The following PSTPIP2 variants were observed in gnomAD, a reference collection of about 807,000 sequenced individuals.
The protein encoded by PSTPIP2 is proline-serine-threonine phosphatase interacting protein 2, also known as proline-serine-threonine phosphatase-interacting protein 2.
PSTPIP2 carries 33 observed loss-of-function variants against 63.3 expected under a neutral mutation model. That is an observed-to-expected ratio of 0.52 (90% CI 0.40 to 0.70). The LOEUF is 0.70. Ranked by LOEUF, PSTPIP2 falls within the 30% of genes least tolerant of loss-of-function variation. PSTPIP2 has a pLI of 0.00. For missense variants in PSTPIP2, 312 were observed against 400.7 expected, an observed-to-expected ratio of 0.78 and a Z score of 1.89; for synonymous variants, 125 against 132.7, an observed-to-expected ratio of 0.94 and a Z score of 0.40.
In PSTPIP2 at chr18:45,984,019, G is replaced by T. The variant is rs2051443798; in HGVS notation, c.*1440C>A. On this transcript the variant is annotated 3_prime_UTR_variant, in exon 15 of 15. Transcript: ENST00000409746. Reference sequence around the variant, plus strand: ...AAAAATTAGCCAGGTGTGGTGGTGGGTGCCTGTAATCCCAGCTACTCAGGA... The same window carrying T: ...AAAAATTAGCCAGGTGTGGTGGTGGTTGCCTGTAATCCCAGCTACTCAGGA... The T allele has an allele frequency of 6.6e-6, 1 of 152,148 alleles. No individual in the cohort carries two copies. The highest frequency in any genetic ancestry group is 1.5e-5 in the Non-Finnish European group (1 of 68,080). 9.4% of individuals were successfully genotyped at this position (152,148 alleles called of 1,614,324 possible). A position where few individuals can be genotyped will look rare whatever the true frequency, so the allele number is the denominator to read the frequency against.
At chr18:46,033,837 A>C (rs1282650578) in intron 2 of PSTPIP2, among the ~76,000 whole-genome samples, 1 of 152,158 alleles carries the variant, frequency 6.6e-6, no homozygotes, top group Admixed American at 6.5e-5. Flanking sequence ...AAGAGAAAGG[A>C]ATGGGACACC....
At chr18:46,002,488 A>G (rs537529975) in intron 6 of PSTPIP2, among the ~76,000 whole-genome samples, 2 of 152,220 alleles carry the variant, frequency 1.3e-5, no homozygotes, top group East Asian at 1.9e-4. Flanking sequence ...CAGTTAACCA[A>G]TTCTTTCTTC....
At chr18:46,009,558 A>G (rs1205859719) in intron 5 of PSTPIP2, among the ~76,000 whole-genome samples, 1 of 152,200 alleles carries the variant, frequency 6.6e-6, no homozygotes, top group East Asian at 1.9e-4. Context: ...GACTGAGCAC[A>G]GGTGACTTAC....
At chr18:46,037,213 C>T (rs1908013445) in intron 2 of PSTPIP2, among the ~76,000 whole-genome samples, 1 of 152,040 alleles carries the variant, frequency 6.6e-6, no homozygotes. Context: ...AGTGCAATGG[C>T]GAGATCTCAG....
At chr18:46,044,030 G>C (rs1908288551) in intron 1 of PSTPIP2, among the ~76,000 whole-genome samples, 2 of 152,190 alleles carry the variant, frequency 1.3e-5, no homozygotes, top group African/African-American at 4.8e-5. Context: ...TTTGTGGATT[G>C]AAGGAGTGAA....
At chr18:46,056,366 C>T (rs1405452928) in intron 1 of PSTPIP2, among the ~76,000 whole-genome samples, 1 of 152,192 alleles carries the variant, frequency 6.6e-6, no homozygotes, top group Admixed American at 6.5e-5. Context: ...TCCAGGGCCC[C>T]TACTAGGATG....
At chr18:46,006,916 T>C (rs1319695701) in intron 5 of PSTPIP2, among the ~76,000 whole-genome samples, 1 of 152,208 alleles carries the variant, frequency 6.6e-6, no homozygotes. Flanking sequence ...CTGAAGTTGA[T>C]TAACATACCA....
At position 45,999,396 on chromosome 18, in the gene PSTPIP2, T is replaced by A. The variant is rs763671675; in HGVS notation, c.516+40A>T. On this transcript the variant is annotated intron_variant, in intron 7 of 14. Coordinates refer to ENST00000409746, the MANE Select transcript of PSTPIP2 (RefSeq NM_024430.4). ...ATAATTGGCTTTAGCCTGACATAGG[T>A]CAGTCTCAGATTTTTCGGGTTGTTA... is the stretch of plus-strand genomic sequence containing the variant. 7.6e-6 allele frequency: 12 copies of A among 1,580,372 alleles called. No individual in the cohort carries two copies. In the African/African-American group the frequency reaches 1.2e-4, roughly 16 times the overall value.
At position 46,042,796 on chromosome 18, in the gene PSTPIP2, G is replaced by T. The variant is rs28576132; in HGVS notation, c.34-2749C>A. Reference sequence around the variant, plus strand: ...GTGCATCGTGCAGCCCTTTTTCTTGGCCCTCCTATTCTTATTTTTGTCAGT... The same window carrying T: ...GTGCATCGTGCAGCCCTTTTTCTTGTCCCTCCTATTCTTATTTTTGTCAGT... On this transcript the variant is annotated intron_variant, in intron 1 of 14. Coordinates refer to ENST00000409746, the MANE Select transcript of PSTPIP2 (RefSeq NM_024430.4). 8.8e-3 allele frequency among the ~76,000 whole-genome samples: 1,339 copies of T among 152,074 alleles called. 17 individuals are homozygous for T. Among genetic ancestry groups the T allele is most frequent in the African/African-American group, 0.03 (1,258 of 41,462 alleles).
chr18:46,055,122 C>A (rs568238473), intron 1 of PSTPIP2, among the ~76,000 whole-genome samples: 1 of 152,120 alleles, frequency 6.6e-6, no homozygotes, highest in Non-Finnish European at 1.5e-5. Context: ...CCTTTCCAGC[C>A]TCACTGTTAT....
At chr18:46,028,204 C>T in intron 2 of PSTPIP2, 2 of 357,524 alleles carry the variant, frequency 5.6e-6, no homozygotes, top group Non-Finnish European at 1.1e-5. Context: ...TTCACGCGAG[C>T]GCCTGCGTTT....
intron 1 of PSTPIP2, among the ~76,000 whole-genome samples, chr18:46,045,362 G>A (rs1365675944): frequency 6.6e-6 from 1 of 152,158 alleles, no homozygotes; most frequent in East Asian, 1.9e-4. Context: ...TTCTTTGTAG[G>A]AACATGGATG....
intron 5 of PSTPIP2, among the ~76,000 whole-genome samples, chr18:46,008,274 C>T (rs910448915): frequency 1.3e-5 from 2 of 151,898 alleles, no homozygotes; most frequent in South Asian, 2.1e-4. Context: ...CTTCATGGCC[C>T]GTTTTTCTCT....
intron 14 of PSTPIP2, 63 bp from the exon 15 acceptor site, chr18:45,985,513 C>T (rs1318604268): frequency 6.6e-7 from 1 of 1,523,304 alleles, no homozygotes; most frequent in African/African-American, 1.4e-5. Flanking sequence ...CTCTCTCCTA[C>T]CTTGAGAGTA....
intron 5 of PSTPIP2, among the ~76,000 whole-genome samples, chr18:46,008,066 GT>G (rs2051749872): frequency 6.6e-6 from 1 of 152,224 alleles, no homozygotes. Flanking sequence ...CCTCAGGGCA[GT>G]GTCTCTTCTG....
At chr18:46,000,831 CT>C (rs2051656738) in intron 6 of PSTPIP2, among the ~76,000 whole-genome samples, 1 of 152,098 alleles carries the variant, frequency 6.6e-6, no homozygotes, top group Non-Finnish European at 1.5e-5. Flanking sequence ...AAAGCAAAGA[CT>C]TTTTTAAACA....
chr18:45,993,859 A>T, intron 9 of PSTPIP2, 156 bp from the exon 10 acceptor site: 1 of 633,442 alleles, frequency 1.6e-6, no homozygotes, highest in South Asian at 1.9e-5. Context: ...AAACTCATAA[A>T]CTCATATCAC....
intron 1 of PSTPIP2, among the ~76,000 whole-genome samples, chr18:46,066,428 G>A (rs1300968206): frequency 2.0e-5 from 3 of 152,196 alleles, no homozygotes; most frequent in African/African-American, 7.2e-5. Flanking sequence ...GAGATGTTGT[G>A]TGTCTGTCTC....
chr18:45,989,094 A>G (rs1044564374), intron 13 of PSTPIP2, among the ~76,000 whole-genome samples: 1 of 152,212 alleles, frequency 6.6e-6, no homozygotes, highest in South Asian at 2.1e-4. Context: ...AAATCTTCAT[A>G]TTGTTCAAAG....
Sources: gnomAD v4.1 joint callset for allele counts (sites outside exome capture counted in the v4.1 genomes callset) on GRCh38, gnomAD v4.1.1 for gene constraint, MANE v1.5 for transcripts, NCBI Gene and HGNC (gene_info 2026-07-23, HGNC 2026-07-21) for gene names.